Variants in R3HDM4 observed in about 807,000 individuals in gnomAD.
The protein encoded by R3HDM4 is R3H domain containing 4.
R3HDM4 carries 30 observed loss-of-function variants against 31.3 expected under a neutral mutation model. The observed-to-expected ratio is 0.96, with a 90% CI of 0.72 to 1.30. The LOEUF (loss-of-function observed/expected upper bound fraction) is 1.30. R3HDM4 is among the 50% of genes most tolerant of loss of function. The probability of loss-of-function intolerance (pLI) is 0.00; values close to 1 mark genes in which losing one functional copy is unlikely to be tolerated. For missense variants in R3HDM4, 444 were observed against 366.1 expected (o/e 1.21, Z -1.74); for synonymous variants, 196 against 156.6 (o/e 1.25, Z -1.88).
Position 899,403 on chromosome 19 carries a change from T to G in R3HDM4, c.703+37A>C, listed in dbSNP as rs1599356238. ...CCCTGGCCACTTTCCCAGGTTGAGCTGGCCAACTTGGGGTCTTGGGGGCCA... is the reference window on the plus strand; with the variant it reads ...CCCTGGCCACTTTCCCAGGTTGAGCGGGCCAACTTGGGGTCTTGGGGGCCA... On this transcript the variant is annotated intron_variant, in intron 7 of 7. Transcript: ENST00000361574. The surrounding 1 kb of genome is among the most constrained non-coding windows in gnomAD (Gnocchi z 6.8). The G allele has an allele frequency of 6.2e-7, 1 of 1,608,942 alleles. No homozygotes were observed. The highest frequency in any genetic ancestry group is 8.5e-7 in the Non-Finnish European group (1 of 1,176,032).
Position 900,082 on chromosome 19 carries a change from G to A in R3HDM4, c.540C>T (p.Leu180=). 1 of 1,611,350 alleles carries A rather than the reference G, an allele frequency of 6.2e-7. No individual in the cohort carries two copies. The highest frequency in any genetic ancestry group is 1.1e-5 in the South Asian group (1 of 90,988). Reference sequence around the variant, plus strand: ...TCACCATGGGGATGCGGCTGCGCTTGAGGACGGCTCGCAGACGCCGGCTGA... The same window carrying A: ...TCACCATGGGGATGCGGCTGCGCTTAAGGACGGCTCGCAGACGCCGGCTGA... The part of the protein sequence containing the change: ...QRISRRLRAV[L]KRSRIPMETL... Residue 180 remains leucine (L), a synonymous_variant, in exon 5 of 8, where the codon CTC becomes CTT. Transcript: ENST00000361574.
At chr19:897,628 C>A in intron 7 of R3HDM4, 88 bp from the exon 8 acceptor site, 1 of 1,056,826 alleles carries the variant, frequency 9.5e-7, no homozygotes, top group Non-Finnish European at 1.4e-6. Context: ...ACCCTCGCTT[C>A]TTCCCAGGGA....
chr19:908,267 C>T (rs982639091), intron 1 of R3HDM4, among the ~76,000 whole-genome samples: 7 of 151,920 alleles, frequency 4.6e-5, no homozygotes, highest in African/African-American at 7.3e-5. Flanking sequence ...TGGGAGTCAC[C>T]GACACTCCTC....
At chr19:901,642 T>C (rs1000694695) in intron 2 of R3HDM4, 96 bp from the exon 3 acceptor site, 58 of 1,467,906 alleles carry the variant, frequency 4.0e-5, no homozygotes, top group Non-Finnish European at 5.2e-5. Context: ...TTTTTTATCA[T>C]CTCAACCTCC....
intron 1 of R3HDM4, among the ~76,000 whole-genome samples, chr19:911,694 C>T (rs1295536447): frequency 1.3e-5 from 2 of 152,192 alleles, no homozygotes; most frequent in African/African-American, 2.4e-5. Flanking sequence ...CCTCCTCGCC[C>T]TCCACCAACA....
At chr19:902,786 C>G (rs2036853908) in intron 1 of R3HDM4, among the ~76,000 whole-genome samples, 1 of 152,102 alleles carries the variant, frequency 6.6e-6, no homozygotes, top group Non-Finnish European at 1.5e-5. Flanking sequence ...AAAAAAAATA[C>G]AAAAATTAAT....
chr19:901,595 C>T (rs2036838446), intron 2 of R3HDM4, 49 bp from the exon 3 acceptor site: 2 of 1,577,464 alleles, frequency 1.3e-6, no homozygotes, highest in African/African-American at 1.3e-5. Context: ...TTGGGGACCC[C>T]CAGGCACCAT....
In R3HDM4 at chr19:900,824, C is replaced by A. The variant is rs1311414436; in HGVS notation, c.475+5G>T. On this transcript the variant is annotated splice_donor_5th_base_variant and intron_variant, in intron 4 of 7. Transcript: ENST00000361574. ...CACCCATACCCGCCCCAGCCAGGCCCGCACCTCTCCTCCGGTCCTCCCCAC... is the reference window on the plus strand; with the variant it reads ...CACCCATACCCGCCCCAGCCAGGCCAGCACCTCTCCTCCGGTCCTCCCCAC... 2 of 1,536,670 alleles carry A rather than the reference C, an allele frequency of 1.3e-6. No individual in the cohort carries two copies. The highest frequency in any genetic ancestry group is 1.8e-6 in the Non-Finnish European group (2 of 1,142,312).
Position 899,311 on chromosome 19 carries a change from G to C in R3HDM4, c.703+129C>G. On this transcript the variant is annotated intron_variant, in intron 7 of 7. Transcript: ENST00000361574. This position sits in a 1 kb window ranked among gnomAD's most constrained non-coding sequence, Gnocchi z 6.8. ...CCACTGCCACCCCTGAGTTCGTAGCGTCCCCACTCCAGCCCCCTTCCCCAC... is the reference window on the plus strand; with the variant it reads ...CCACTGCCACCCCTGAGTTCGTAGCCTCCCCACTCCAGCCCCCTTCCCCAC... 1.1e-6 allele frequency: 1 copy of C among 925,124 alleles called. No individual in the cohort carries two copies. Among genetic ancestry groups the C allele is most frequent in the South Asian group, 1.5e-5 (1 of 67,882 alleles). 57.3% of individuals were successfully genotyped at this position (925,124 alleles called of 1,614,324 possible).
chr19:905,408 G>A (rs552156931), intron 1 of R3HDM4, among the ~76,000 whole-genome samples: 1 of 151,614 alleles, frequency 6.6e-6, no homozygotes, highest in South Asian at 2.1e-4. Flanking sequence ...GAGAGGCTGA[G>A]GCAGGAGAAT....
intron 7 of R3HDM4, among the ~76,000 whole-genome samples, chr19:897,800 G>A (rs933548888): frequency 6.6e-6 from 1 of 152,232 alleles, no homozygotes; most frequent in African/African-American, 2.4e-5. Flanking sequence ...TGCGGATGGG[G>A]ACCCTGAAAC....
At position 913,175 on chromosome 19, in the gene R3HDM4, C is replaced by A. The variant is rs770158400; in HGVS notation, c.-18G>T. 1 of 1,060,730 alleles carries A rather than the reference C, an allele frequency of 9.4e-7. No individual in the cohort carries two copies. The highest frequency in any genetic ancestry group is 1.1e-6 in the Non-Finnish European group (1 of 881,306). The allele number at this position is 1,060,730 out of a possible 1,614,324, so 65.7% of individuals were successfully genotyped here. ...GCGACCATGGCTCGCACGCTGTCGC[C>A]GCCGCCGCCGCCCGGCAGGGCCTTC... On this transcript the variant is annotated 5_prime_UTR_variant, in exon 1 of 8. Transcript: ENST00000361574. This position sits in a 1 kb window ranked among gnomAD's most constrained non-coding sequence, Gnocchi z 5.0.
intron 1 of R3HDM4, among the ~76,000 whole-genome samples, chr19:906,031 C>CA (rs949457980): frequency 6.8e-6 from 1 of 147,444 alleles, no homozygotes; most frequent in Admixed American, 6.8e-5. Context: ...CTGAAACCCC[C>CA]TTTTTTTTTT....
At chr19:898,535 G>A (rs1287475778) in intron 7 of R3HDM4, among the ~76,000 whole-genome samples, 2 of 151,836 alleles carry the variant, frequency 1.3e-5, no homozygotes, top group Admixed American at 1.3e-4. Flanking sequence ...GGAGGTGGAG[G>A]TTGCAGTGAG....
intron 2 of R3HDM4, 30 bp from the exon 3 acceptor site, chr19:901,576 G>T: frequency 6.3e-7 from 1 of 1,586,048 alleles, no homozygotes; most frequent in Non-Finnish European, 8.6e-7. Flanking sequence ...CTCTGGGCCG[G>T]GGTGGCATTT....
intron 3 of R3HDM4, 127 bp from the exon 4 acceptor site, chr19:901,079 A>G: frequency 8.2e-7 from 1 of 1,214,720 alleles, no homozygotes; most frequent in Non-Finnish European, 1.1e-6. Flanking sequence ...CTGTCCACTG[A>G]GGGGCCGCTG....
rs2036789262 is a variant in R3HDM4 at position 899,198 on chromosome 19, GTC to G, written c.703+240_703+241del. 6.6e-6 allele frequency among the ~76,000 whole-genome samples: 1 copy of G among 152,142 alleles called. No homozygotes were observed. ...GCCCCGAAGATGCAGATGGAGGAGT[GTC>G]TGTGTCCAGCAGCCTGGTTGTGTCT... On this transcript the variant is annotated intron_variant, in intron 7 of 7. Transcript: ENST00000361574. The surrounding 1 kb of genome is among the most constrained non-coding windows in gnomAD (Gnocchi z 6.8).
chr19:909,471 A>G (rs2036945814), intron 1 of R3HDM4, among the ~76,000 whole-genome samples: 1 of 152,110 alleles, frequency 6.6e-6, no homozygotes, highest in Admixed American at 6.5e-5. Flanking sequence ...GTGTATTTAC[A>G]TAGTTACATA....
rs1320648465 is a variant in R3HDM4, at chr19:899,628, G to A, written c.620C>T (p.Ala207Val). Reference protein sequence around the residue: ...LLRFFSVSPQAVYTAMLDNSF... With the variant: ...LLRFFSVSPQVVYTAMLDNSF... The stretch of plus-strand genomic sequence containing the variant: ...GTTGTCTAGCATTGCTGTGTACACG[G>A]CCTGGGGGGACACGGAGAAGAACCG... Residue 207 changes from alanine to valine, a missense_variant, in exon 6 of 8, where the codon GCC (alanine) becomes GTC (valine). Coordinates refer to ENST00000361574, the MANE Select transcript of R3HDM4 (RefSeq NM_138774.4). This position sits in a 1 kb window ranked among gnomAD's most constrained non-coding sequence, Gnocchi z 6.8. 1.2e-6 allele frequency: 2 copies of A among 1,609,732 alleles called. No homozygotes were observed. Among genetic ancestry groups the A allele is most frequent in the Non-Finnish European group, 8.5e-7 (1 of 1,178,054 alleles).
Sources: allele counts gnomAD v4.1 joint callset (sites outside exome capture counted in the v4.1 genomes callset), GRCh38; gene constraint gnomAD v4.1.1; non-coding constraint Gnocchi (gnomAD v3.1); transcripts MANE v1.5; gene names NCBI Gene and HGNC (gene_info 2026-07-23, HGNC 2026-07-21).